Variants in AP1G1 observed in about 807,000 individuals in gnomAD.
AP1G1 encodes adaptor related protein complex 1 subunit gamma 1.
Under a neutral mutation model 108.3 loss-of-function variants are expected in AP1G1, and 7 were observed. The ratio of observed to expected loss-of-function variants is 0.06; its 90% CI spans 0.04 to 0.12. The LOEUF is 0.12. Among genes scored for constraint, AP1G1 ranks in the 10% least tolerant of loss-of-function variants. The probability of loss-of-function intolerance (pLI) is 1.00; values close to 1 mark genes in which losing one functional copy is unlikely to be tolerated. For missense variants in AP1G1, 756 were observed against 1,010.7 expected, an observed-to-expected ratio of 0.75 and a Z score of 3.42; for synonymous variants, 379 against 353.5, an observed-to-expected ratio of 1.07 and a Z score of -0.81.
chr16:71,792,015 G>A (rs1464601978), intron 1 of AP1G1, among the ~76,000 whole-genome samples: 3 of 152,140 alleles, frequency 2.0e-5, no homozygotes, highest in East Asian at 1.9e-4. Flanking sequence ...ACCCGCCTTG[G>A]CCTCCCAAAG....
At chr16:71,769,544 AAT>A in intron 6 of AP1G1, 77 bp downstream of exon 6, 1 of 1,384,682 alleles carries the variant, frequency 7.2e-7, no homozygotes, top group Non-Finnish European at 1.0e-6. Flanking sequence ...TTCAAAAAAA[AAT>A]AAGAAGAAAA....
Position 71,771,268 on chromosome 16 carries a change from TAAAAGAAC to T in AP1G1, c.469-24_469-17del. The stretch of plus-strand genomic sequence containing the variant: ...ACAGTGCTGCCTATGAAAAAAAAAA[TAAAAGAAC>T]AAAAGGTTTATTTCAATTATGCCAG... On this transcript the variant is annotated splice_polypyrimidine_tract_variant and intron_variant, in intron 4 of 22. Transcript: ENST00000299980. The T allele has an allele frequency of 7.3e-7, 1 of 1,370,914 alleles. No individual in the cohort carries two copies. Among genetic ancestry groups the T allele is most frequent in the Non-Finnish European group, 9.8e-7 (1 of 1,015,838 alleles). The allele number at this position is 1,370,914 out of a possible 1,614,324, so 84.9% of individuals were successfully genotyped here.
At chr16:71,752,226 G>C (rs1331204101) in intron 13 of AP1G1, among the ~76,000 whole-genome samples, 2 of 152,066 alleles carry the variant, frequency 1.3e-5, no homozygotes, top group Non-Finnish European at 2.9e-5. Flanking sequence ...CTTTCCTTCA[G>C]GAGTGTTAAT....
At chr16:71,748,528 T>C (rs996842563) in intron 15 of AP1G1, 150 bp from the exon 16 acceptor site, 1 of 950,024 alleles carries the variant, frequency 1.1e-6, no homozygotes, top group Non-Finnish European at 1.5e-6. Context: ...AGGGTAACTG[T>C]CCAAGCTGTT....
At chr16:71,802,555 C>G (rs1005404719) in intron 1 of AP1G1, among the ~76,000 whole-genome samples, 2 of 151,966 alleles carry the variant, frequency 1.3e-5, no homozygotes, top group Non-Finnish European at 2.9e-5. Context: ...CATGGTGAAA[C>G]CCCATCTCTA....
intron 19 of AP1G1, chr16:71,742,452 A>C (rs909360304): frequency 3.3e-5 from 5 of 152,198 alleles, no homozygotes; most frequent in African/African-American, 1.2e-4. Flanking sequence ...TTAAACATAT[A>C]AATTGAGGAA....
At chr16:71,767,890 C>T (rs746821867) in intron 6 of AP1G1, 54 of 1,599,150 alleles carry the variant, frequency 3.4e-5, no homozygotes, top group Non-Finnish European at 4.4e-5. Context: ...TTCATTCTAA[C>T]ATACAGCAGG....
At chr16:71,792,054 G>T (rs564281266) in intron 1 of AP1G1, among the ~76,000 whole-genome samples, 2 of 152,146 alleles carry the variant, frequency 1.3e-5, no homozygotes, top group African/African-American at 4.8e-5. Flanking sequence ...GAGCCACCAC[G>T]CCAGGCCAAC....
chr16:71,767,336 T>C (rs2031357137), intron 6 of AP1G1, among the ~76,000 whole-genome samples: 3 of 152,060 alleles, frequency 2.0e-5, no homozygotes, highest in South Asian at 2.1e-4. Context: ...GCTGCAGCCA[T>C]GAAAATCAGT....
chr16:71,804,344 C>A (rs1047701297), intron 1 of AP1G1, among the ~76,000 whole-genome samples: 1 of 151,220 alleles, frequency 6.6e-6, no homozygotes, highest in Non-Finnish European at 1.5e-5. Context: ...CCTCGCCCAG[C>A]CAACAAAGAT....
rs564688210 is a variant in AP1G1 at position 71,734,098 on chromosome 16, AAATT to A, written c.2367+507_2367+510del. On this transcript the variant is annotated intron_variant, in intron 22 of 22. Transcript: ENST00000299980. ...AGCAACTAGTAGAGCTCTATTAAAG[AAATT>A]CTCTGAACCATTTTCAAAAACTGAA... 3.0e-4 allele frequency among the ~76,000 whole-genome samples: 45 copies of A among 152,368 alleles called. No individual in the cohort carries two copies. In the East Asian group the frequency reaches 5.8e-3, roughly 20 times the overall value.
chr16:71,753,561 G>T, intron 13 of AP1G1: 1 of 416,554 alleles, frequency 2.4e-6, no homozygotes, highest in Non-Finnish European at 4.5e-6. Flanking sequence ...TGTCTCTTAG[G>T]TCTCTACTCA....
In AP1G1 at chr16:71,773,254, G is replaced by A. The variant is rs2031645025; in HGVS notation, c.435C>T (p.Leu145=). 6.2e-7 allele frequency: 1 copy of A among 1,613,578 alleles called. No individual in the cohort carries two copies. ...TTAAGTAAGAGTTGGAGGTTTTCAGGAGCTTCTCTACCTCTCCTGCAAGAT... is the reference window on the plus strand; with the variant it reads ...TTAAGTAAGAGTTGGAGGTTTTCAGAAGCTTCTCTACCTCTCCTGCAAGAT... The part of the protein sequence containing the change: ...CRDLAGEVEK[L]LKTSNSYLRK... Residue 145 remains leucine (L), a synonymous_variant, in exon 4 of 23, where the codon CTC becomes CTT. Coordinates refer to ENST00000299980, the MANE Select transcript of AP1G1 (RefSeq NM_001128.6).
intron 1 of AP1G1, among the ~76,000 whole-genome samples, chr16:71,804,239 G>C (rs528007265): frequency 6.6e-6 from 1 of 151,600 alleles, no homozygotes; most frequent in Non-Finnish European, 1.5e-5. Context: ...GTAGAGATGG[G>C]GTTTAACCAT....
chr16:71,749,544 T>C (rs1597044488), intron 15 of AP1G1, among the ~76,000 whole-genome samples: 1 of 151,614 alleles, frequency 6.6e-6, no homozygotes, highest in African/African-American at 2.4e-5. Flanking sequence ...AAATGGCAGG[T>C]TTTCCAATAT....
chr16:71,790,685 G>GA (rs999225100), intron 1 of AP1G1, among the ~76,000 whole-genome samples: 1 of 151,946 alleles, frequency 6.6e-6, no homozygotes. Flanking sequence ...CTCCATGGGG[G>GA]AAAAAAATTA....
At chr16:71,796,271 GA>G (rs920680158) in intron 1 of AP1G1, among the ~76,000 whole-genome samples, 1 of 152,092 alleles carries the variant, frequency 6.6e-6, no homozygotes, top group African/African-American at 2.4e-5. Flanking sequence ...TAAATCTGGG[GA>G]TAAGTATTCT....
chr16:71,750,941 G>C (rs1346735927), intron 13 of AP1G1, among the ~76,000 whole-genome samples: 1 of 151,506 alleles, frequency 6.6e-6, no homozygotes, highest in Non-Finnish European at 1.5e-5. Flanking sequence ...TGGATCACAA[G>C]GTCAGGAGAT....
intron 9 of AP1G1, 61 bp from the exon 10 acceptor site, chr16:71,761,628 G>A: frequency 4.0e-6 from 5 of 1,264,096 alleles, no homozygotes; most frequent in Non-Finnish European, 5.7e-6. Context: ...TGTTTCCTGA[G>A]TTTAAAGGAT....
Sources: allele counts gnomAD v4.1 joint callset (sites outside exome capture counted in the v4.1 genomes callset), GRCh38; gene constraint gnomAD v4.1.1; transcripts MANE v1.5; gene names NCBI Gene and HGNC (gene_info 2026-07-23, HGNC 2026-07-21).